Variants in EEFSEC observed in about 807,000 individuals in gnomAD.
EEFSEC encodes the protein selenocysteine-specific elongation factor.
Under a neutral mutation model 42.1 loss-of-function variants are expected in EEFSEC, and 43 were observed. The ratio of observed to expected loss-of-function variants is 1.02; its 90% CI spans 0.80 to 1.32. EEFSEC has a LOEUF of 1.32. Among genes scored for constraint, EEFSEC ranks in the 40% most tolerant of loss-of-function variants. The pLI is 0.00. For missense variants in EEFSEC, 745 were observed against 803.6 expected, an observed-to-expected ratio of 0.93 and a Z score of 0.88; for synonymous variants, 354 against 339.1, an observed-to-expected ratio of 1.04 and a Z score of -0.48.
intron 6 of EEFSEC, among the ~76,000 whole-genome samples, chr3:128,407,336 C>T (rs1003419725): frequency 4.6e-5 from 7 of 152,218 alleles, no homozygotes; most frequent in Admixed American, 3.3e-4. Flanking sequence ...GGCAGAGGAT[C>T]CCGGGATGAG....
intron 4 of EEFSEC, among the ~76,000 whole-genome samples, chr3:128,314,458 C>G (rs1361902514): frequency 2.0e-5 from 3 of 152,172 alleles, no homozygotes; most frequent in Admixed American, 6.5e-5. Flanking sequence ...ATTCTTGTGC[C>G]TAAGCCTCCT....
rs1020993635 is a variant in EEFSEC at position 128,317,353 on chromosome 3, G to A, written c.787-23880G>A. ...GTAAGCCTGGCCTGTTCTCCGCCCC[G>A]CTGCTGGAGCTCAGACGCTCACTCT... On this transcript the variant is annotated intron_variant, in intron 4 of 6. Coordinates refer to ENST00000254730, the MANE Select transcript of EEFSEC (RefSeq NM_021937.5). This position sits in a 1 kb window ranked among gnomAD's most constrained non-coding sequence, Gnocchi z 4.1. Among the ~76,000 whole-genome samples the A allele has an allele frequency of 6.6e-5, 10 of 152,194 alleles. No individual in the cohort carries two copies. The highest frequency in any genetic ancestry group is 2.1e-4 in the South Asian group (1 of 4,834).
intron 1 of EEFSEC, among the ~76,000 whole-genome samples, chr3:128,170,185 C>T (rs569172895): frequency 4.5e-4 from 69 of 152,312 alleles, no homozygotes; most frequent in Non-Finnish European, 8.1e-4. Context: ...GCAGGCATGG[C>T]CTAGCCTCAG....
chr3:128,240,140 C>T (rs2066054876), intron 1 of EEFSEC, among the ~76,000 whole-genome samples: 1 of 152,232 alleles, frequency 6.6e-6, no homozygotes, highest in Non-Finnish European at 1.5e-5. Flanking sequence ...CTTCTCTCCT[C>T]CCCTTTCCCC....
At chr3:128,219,714 A>G (rs2065844232) in intron 1 of EEFSEC, among the ~76,000 whole-genome samples, 1 of 151,434 alleles carries the variant, frequency 6.6e-6, no homozygotes, top group Admixed American at 6.6e-5. Context: ...CAGGGACCTT[A>G]TTTGTTTTGT....
chr3:128,193,429 G>A (rs2065548150), intron 1 of EEFSEC, among the ~76,000 whole-genome samples: 1 of 152,238 alleles, frequency 6.6e-6, no homozygotes, highest in Non-Finnish European at 1.5e-5. Context: ...GCACTTCGGG[G>A]GAGGGGCTGC....
At chr3:128,318,249 C>T (rs2066969621) in intron 4 of EEFSEC, among the ~76,000 whole-genome samples, 1 of 152,362 alleles carries the variant, frequency 6.6e-6, no homozygotes, top group Non-Finnish European at 1.5e-5. Flanking sequence ...TGTTGCTCGA[C>T]TAGTGGCAAG....
In EEFSEC at chr3:128,232,587, G is replaced by A. The variant is rs183964809; in HGVS notation, c.317-14249G>A. ...AAAATGGGGGGAAGGGGACTGAGGC[G>A]GGAGAGAACAGAAACTGTACATTTT... On this transcript the variant is annotated intron_variant, in intron 1 of 6. Transcript: ENST00000254730. 4.6e-4 allele frequency among the ~76,000 whole-genome samples: 70 copies of A among 152,306 alleles called. 1 individual carries two copies. Among genetic ancestry groups the A allele is most frequent in the East Asian group, 4.4e-3 (23 of 5,190 alleles).
At chr3:128,274,482 G>A (rs2955100) in intron 4 of EEFSEC, among the ~76,000 whole-genome samples, 127,523 of 152,150 alleles carry the variant, frequency 0.84, 53,939 homozygotes, top group East Asian at 0.99. Context: ...AATGTGGCGC[G>A]GGTAGGGAGT....
Position 128,309,582 on chromosome 3 carries a change from G to A in EEFSEC, c.787-31651G>A, listed in dbSNP as rs556886010. ...TTTTACCAGTAAGTAAAAGACCATC[G>A]GTTCTGGCCATAAGTCATGGTGACT... On this transcript the variant is annotated intron_variant, in intron 4 of 6. Transcript: ENST00000254730. Among the ~76,000 whole-genome samples, 6 of 152,292 alleles carry A rather than the reference G, an allele frequency of 3.9e-5. No homozygotes were observed. The East Asian group carries it at 9.6e-4, about 24-fold the overall frequency.
intron 6 of EEFSEC, among the ~76,000 whole-genome samples, chr3:128,364,598 C>T (rs1241111335): frequency 1.3e-5 from 2 of 152,146 alleles, no homozygotes; most frequent in African/African-American, 4.8e-5. Context: ...AGTTCCTTCG[C>T]CTACACAGTG....
At chr3:128,423,478 C>CAATAAATAAATAAATAAATAAATA in the EEFSEC span, among the ~76,000 whole-genome samples, 37 of 150,538 alleles carry the variant, frequency 2.5e-4, no homozygotes, top group African/African-American at 8.6e-4. Flanking sequence ...GACCCTGTCT[C>CAATAAATAAATAAATAAATAAATA]AATAAATAAA....
At position 128,392,799 on chromosome 3, in the gene EEFSEC, G is replaced by A. The variant is rs1389914058; in HGVS notation, c.1601-15270G>A. On this transcript the variant is annotated intron_variant, in intron 6 of 6. Coordinates refer to ENST00000254730, the MANE Select transcript of EEFSEC (RefSeq NM_021937.5). ...AGGCTGGGCCTGGCACACACAGGCT[G>A]CTCGGGTGCTGCCCTAGGCTCGCTG... 2.0e-5 allele frequency among the ~76,000 whole-genome samples: 3 copies of A among 152,250 alleles called. No individual in the cohort carries two copies. In the East Asian group the frequency reaches 5.8e-4, roughly 29 times the overall value.
At chr3:128,357,734 G>A (rs2067473023) in intron 5 of EEFSEC, among the ~76,000 whole-genome samples, 1 of 152,056 alleles carries the variant, frequency 6.6e-6, no homozygotes, top group African/African-American at 2.4e-5. Flanking sequence ...CCGGGTGACT[G>A]TGACAGCTTC....
chr3:128,282,338 A>T (rs1005434104), intron 4 of EEFSEC, among the ~76,000 whole-genome samples: 1 of 152,144 alleles, frequency 6.6e-6, no homozygotes, highest in African/African-American at 2.4e-5. Context: ...GGGCTTTTTG[A>T]TGTGCACCAT....
chr3:128,181,077 G>A lies in EEFSEC; in HGVS notation c.316+27254G>A, dbSNP rs538658052. Among the ~76,000 whole-genome samples, 246 of 152,274 alleles carry A rather than the reference G, an allele frequency of 1.6e-3. 1 individual carries two copies. The Middle Eastern group carries it at 0.017, about 11-fold the overall frequency. Reference sequence around the variant, plus strand: ...GCATCTAGCCTTGGCTGCTTCAGGGGGCACTTCAGGACATGGATGGGGACT... The same window carrying A: ...GCATCTAGCCTTGGCTGCTTCAGGGAGCACTTCAGGACATGGATGGGGACT... On this transcript the variant is annotated intron_variant, in intron 1 of 6. Transcript: ENST00000254730.
At chr3:128,304,346 C>T (rs986473079) in intron 4 of EEFSEC, among the ~76,000 whole-genome samples, 2 of 151,794 alleles carry the variant, frequency 1.3e-5, no homozygotes, top group Non-Finnish European at 2.9e-5. Context: ...GAGTTTTTTT[C>T]AAATAGATCC....
intron 6 of EEFSEC, among the ~76,000 whole-genome samples, chr3:128,402,488 G>A (rs2068059748): frequency 6.6e-6 from 1 of 152,218 alleles, no homozygotes; most frequent in Admixed American, 6.5e-5. Context: ...TAGTGGGTAA[G>A]CAAACGGGCT....
intron 1 of EEFSEC, among the ~76,000 whole-genome samples, chr3:128,161,272 CTT>C (rs2065184133): frequency 6.6e-6 from 1 of 152,066 alleles, no homozygotes; most frequent in South Asian, 2.1e-4. Flanking sequence ...GTTTTAAAGA[CTT>C]GGGTGGGTGT....
Sources: gnomAD v4.1 joint callset for allele counts (sites outside exome capture counted in the v4.1 genomes callset) on GRCh38, gnomAD v4.1.1 for gene constraint, Gnocchi (gnomAD v3.1) non-coding constraint, MANE v1.5 for transcripts, NCBI Gene and HGNC (gene_info 2026-07-23, HGNC 2026-07-21) for gene names.